MAP3K20: variants seen among roughly 807,000 people sequenced by gnomAD.
MAP3K20 encodes the protein HCCS-4.
In MAP3K20, 40 loss-of-function variants were observed where a neutral mutation model predicts 85.7. The ratio of observed to expected loss-of-function variants is 0.47; its 90% CI spans 0.36 to 0.61. The LOEUF (loss-of-function observed/expected upper bound fraction) is 0.61. Among genes scored for constraint, MAP3K20 ranks in the 20% least tolerant of loss-of-function variants. The pLI, the probability that MAP3K20 is intolerant of heterozygous loss-of-function variation, is 0.00. For missense variants in MAP3K20, 817 were observed against 961.7 expected (o/e 0.85, Z 1.99); for synonymous variants, 325 against 327.7 (o/e 0.99, Z 0.09).
At chr2:173,219,843 T>A (rs1314770760) in intron 11 of MAP3K20, among the ~76,000 whole-genome samples, 1 of 151,260 alleles carries the variant, frequency 6.6e-6, no homozygotes, top group East Asian at 1.9e-4. Flanking sequence ...CTGAGGGGGG[T>A]GGATCACGAG....
intron 10 of MAP3K20, among the ~76,000 whole-genome samples, chr2:173,216,493 T>C (rs1684074879): frequency 6.9e-6 from 1 of 144,622 alleles, no homozygotes; most frequent in South Asian, 2.2e-4. Flanking sequence ...AATCCATGTT[T>C]TGCTGGGTTC....
At chr2:173,186,688 A>T (rs1025566059) in intron 4 of MAP3K20, among the ~76,000 whole-genome samples, 3 of 152,206 alleles carry the variant, frequency 2.0e-5, no homozygotes, top group East Asian at 1.9e-4. Flanking sequence ...TATTTCTGCC[A>T]TTAGTTAGAA....
rs528328046 is a variant in MAP3K20, at chr2:173,245,188, G to A, written c.1359+5692G>A. Among the ~76,000 whole-genome samples, 20 of 152,222 alleles carry A rather than the reference G, an allele frequency of 1.3e-4. No homozygotes were observed. The South Asian group carries it at 3.9e-3, about 30-fold the overall frequency. Reference sequence around the variant, plus strand: ...TTGAAGCCTACTAAGAGCAAGCCAGGAAAATATTACCTTATACACAAATAG... The same window carrying A: ...TTGAAGCCTACTAAGAGCAAGCCAGAAAAATATTACCTTATACACAAATAG... On this transcript the variant is annotated intron_variant, in intron 16 of 19. Transcript: ENST00000375213.
chr2:173,200,893 A>G (rs1284858575), intron 8 of MAP3K20, among the ~76,000 whole-genome samples: 1 of 152,194 alleles, frequency 6.6e-6, no homozygotes, highest in African/African-American at 2.4e-5. Flanking sequence ...CGGCCTCCCA[A>G]AGTGCTGGGA....
At chr2:173,246,366 T>C (rs1479467090) in intron 16 of MAP3K20, among the ~76,000 whole-genome samples, 1 of 152,230 alleles carries the variant, frequency 6.6e-6, no homozygotes, top group Non-Finnish European at 1.5e-5. Context: ...AAGTGCCCTG[T>C]GTTTTACAAT....
chr2:173,088,255 G>A (rs1201800630), intron 1 of MAP3K20, among the ~76,000 whole-genome samples: 1 of 152,138 alleles, frequency 6.6e-6, no homozygotes, highest in Non-Finnish European at 1.5e-5. Flanking sequence ...TGTAATTATT[G>A]AATCCTACAT....
intron 8 of MAP3K20, among the ~76,000 whole-genome samples, chr2:173,201,015 C>T (rs962427340): frequency 1.3e-5 from 2 of 152,144 alleles, no homozygotes; most frequent in African/African-American, 4.8e-5. Flanking sequence ...TCTTACATGT[C>T]TGTAGTATAC....
chr2:173,079,760 A>G (rs1002232703), intron 1 of MAP3K20, among the ~76,000 whole-genome samples: 4 of 152,232 alleles, frequency 2.6e-5, no homozygotes, highest in African/African-American at 7.2e-5. Flanking sequence ...ACTGTTTTCT[A>G]CCTCCACATC....
At chr2:173,120,701 C>CTTT (rs56084110) in intron 2 of MAP3K20, among the ~76,000 whole-genome samples, 647 of 49,238 alleles carry the variant, frequency 0.013, 6 homozygotes, top group African/African-American at 0.021. Context: ...ACTCTCACTT[C>CTTT]TTTTTTTTTT....
intron 19 of MAP3K20, among the ~76,000 whole-genome samples, chr2:173,265,812 G>A (rs192386562): frequency 8.8e-4 from 134 of 152,282 alleles, no homozygotes; most frequent in Middle Eastern, 6.8e-3. Flanking sequence ...ATGAGATAGT[G>A]TAAGTAAAGC....
intron 9 of MAP3K20, among the ~76,000 whole-genome samples, chr2:173,204,277 C>G (rs1424581319): frequency 6.6e-6 from 1 of 152,108 alleles, no homozygotes; most frequent in African/African-American, 2.4e-5. Flanking sequence ...CTCAATTATC[C>G]TCATTTAACA....
chr2:173,193,512 C>T (rs755605891), intron 7 of MAP3K20, among the ~76,000 whole-genome samples: 1 of 152,286 alleles, frequency 6.6e-6, no homozygotes, highest in Non-Finnish European at 1.5e-5. Flanking sequence ...GAAATGCCCC[C>T]CTCTGCTTTT....
chr2:173,164,145 A>G (rs1241578179), intron 2 of MAP3K20, among the ~76,000 whole-genome samples: 1 of 152,010 alleles, frequency 6.6e-6, no homozygotes, highest in Non-Finnish European at 1.5e-5. Context: ...TTTTTAGCAG[A>G]AACAGGTTTT....
At chr2:173,239,954 G>C (rs1482174800) in intron 16 of MAP3K20, among the ~76,000 whole-genome samples, 1 of 152,174 alleles carries the variant, frequency 6.6e-6, no homozygotes, top group Non-Finnish European at 1.5e-5. Flanking sequence ...AAGCCTCTCA[G>C]TTTATGTCAT....
chr2:173,201,478 G>C (rs1198365115), intron 8 of MAP3K20, among the ~76,000 whole-genome samples: 4 of 152,040 alleles, frequency 2.6e-5, no homozygotes, highest in African/African-American at 9.7e-5. Context: ...TTGACTAACA[G>C]AAATCTTCAT....
chr2:173,087,975 C>T (rs746893305), intron 1 of MAP3K20, among the ~76,000 whole-genome samples: 3 of 151,906 alleles, frequency 2.0e-5, no homozygotes, highest in Non-Finnish European at 4.4e-5. Context: ...AGTCCCAGTC[C>T]AAGTCAGGCC....
intron 14 of MAP3K20, among the ~76,000 whole-genome samples, chr2:173,233,843 C>T (rs1054372066): frequency 3.3e-5 from 5 of 152,168 alleles, no homozygotes; most frequent in African/African-American, 1.2e-4. Context: ...GCACCCTTTG[C>T]GTAACAGTAA....
chr2:173,225,919 AAG>A (rs1684374850), intron 11 of MAP3K20: 1 of 984,978 alleles, frequency 1.0e-6, no homozygotes. Context: ...AAAAAAAAAA[AAG>A]AAAAAAAACT....
chr2:173,181,477 T>TA (rs1408963118), intron 3 of MAP3K20, among the ~76,000 whole-genome samples: 2 of 152,190 alleles, frequency 1.3e-5, no homozygotes, highest in Non-Finnish European at 2.9e-5. Flanking sequence ...AACAGATTGA[T>TA]AGTTTCTTTA....
Sources: allele counts gnomAD v4.1 joint callset (sites outside exome capture counted in the v4.1 genomes callset), GRCh38; gene constraint gnomAD v4.1.1; transcripts MANE v1.5; gene names NCBI Gene and HGNC (gene_info 2026-07-23, HGNC 2026-07-21).